PAPOLG: variants seen among roughly 807,000 people sequenced by gnomAD.
PAPOLG encodes PAP-gamma.
Under a neutral mutation model 99.0 loss-of-function variants are expected in PAPOLG, and 40 were observed. That is an observed-to-expected ratio of 0.40 (90% confidence interval 0.31 to 0.53). The LOEUF is 0.53. PAPOLG is among the 20% of genes least tolerant of loss of function. The pLI, the probability that PAPOLG is intolerant of heterozygous loss-of-function variation, is 0.41. For synonymous variants in PAPOLG, 310 were observed against 299.3 expected (o/e 1.04, Z -0.37); for missense variants, 675 against 884.1 (o/e 0.76, Z 3.00).
At position 60,794,774 on chromosome 2, in the gene PAPOLG, T is replaced by G; in HGVS notation, c.2054T>G (p.Val685Gly). The change falls in exon 20 of 22, where the codon GTG (valine) becomes GGG (glycine). Residue 685 changes from valine (V) to glycine (G), a missense_variant and splice_region_variant. By Grantham distance (109) the Val-to-Gly change is moderately radical. Around this residue, in one of 3 missense-constraint regions of PAPOLG, gnomAD observed 413 missense variants for 460.5 expected, o/e 0.90. Coordinates refer to ENST00000238714, the MANE Select transcript of PAPOLG (RefSeq NM_022894.4). ...RTAEERKRKS[V>G]DAIGGESMPI... is the part of the protein sequence containing the mutation. ...GCTGAAGAAAGAAAAAGAAAATCAG[T>G]GGTAAATATATTAATAGTGTGCTTC... The G allele has an allele frequency of 6.2e-7, 1 of 1,602,388 alleles. No homozygotes were observed. Among genetic ancestry groups the G allele is most frequent in the Non-Finnish European group, 8.6e-7 (1 of 1,169,582 alleles).
intron 7 of PAPOLG, 65 bp from the exon 8 acceptor site, chr2:60,774,969 G>A (rs1670972935): frequency 6.2e-7 from 1 of 1,600,972 alleles, no homozygotes; most frequent in Non-Finnish European, 8.5e-7. Flanking sequence ...CTGGAAGTTA[G>A]GAGGGCATTT....
Position 60,797,276 on chromosome 2 carries a change from T to G in PAPOLG, c.*116T>G. 7.6e-7 allele frequency: 1 copy of G among 1,310,942 alleles called. No homozygotes were observed. Among genetic ancestry groups the G allele is most frequent in the South Asian group, 1.3e-5 (1 of 78,930 alleles). 81.2% of individuals were successfully genotyped at this position (1,310,942 alleles called of 1,614,324 possible). ...TGAAATAAGGTGAAAGTGACAGCCTTCAGTCTAATAACCTTGAAGTGGTTT... is the reference window on the plus strand; with the variant it reads ...TGAAATAAGGTGAAAGTGACAGCCTGCAGTCTAATAACCTTGAAGTGGTTT... On this transcript the variant is annotated 3_prime_UTR_variant, in exon 22 of 22. Coordinates refer to ENST00000238714, the MANE Select transcript of PAPOLG (RefSeq NM_022894.4).
intron 7 of PAPOLG, among the ~76,000 whole-genome samples, chr2:60,774,134 G>A (rs1321781447): frequency 6.6e-6 from 1 of 151,248 alleles, no homozygotes; most frequent in African/African-American, 2.4e-5. Context: ...TCGCTCTGTC[G>A]CCCAGGCTGG....
Position 60,768,836 on chromosome 2 carries a change from T to C in PAPOLG, c.384T>C (p.Phe128=), listed in dbSNP as rs781032268. ...CAAGACATGTGGAAAGATCTGATTT[T>C]TTTCAGTCTTTTTTTGAAAAATTGA... is the stretch of plus-strand genomic sequence containing the variant. The part of the protein sequence containing the change: ...VAPRHVERSD[F]FQSFFEKLKH... Residue 128 remains phenylalanine (F), a synonymous_variant, in exon 5 of 22, where the codon TTT becomes TTC. Transcript: ENST00000238714. 16 of 1,603,438 alleles carry C rather than the reference T, an allele frequency of 1.0e-5. No homozygotes were observed. The East Asian group carries it at 3.4e-4, about 34-fold the overall frequency.
intron 13 of PAPOLG, among the ~76,000 whole-genome samples, chr2:60,786,204 T>C (rs1237227353): frequency 1.3e-5 from 2 of 152,160 alleles, no homozygotes; most frequent in Non-Finnish European, 2.9e-5. Context: ...ATGGGGTTCC[T>C]AATATATTGG....
chr2:60,772,902 C>T lies in PAPOLG; in HGVS notation c.604+1272C>T, dbSNP rs150147961. On this transcript the variant is annotated intron_variant, in intron 7 of 21. Coordinates refer to ENST00000238714, the MANE Select transcript of PAPOLG (RefSeq NM_022894.4). ...TGAGATATAATTACATACCATTATA[C>T]ACCTCACTGGTCTTTTTCTTTTCTT... Among the ~76,000 whole-genome samples the T allele has an allele frequency of 3.8e-3, 572 of 151,978 alleles. 5 individuals are homozygous for T. The highest frequency in any genetic ancestry group is 0.013 in the African/African-American group (545 of 41,390).
At chr2:60,796,868 A>G (rs1034134071) in intron 21 of PAPOLG, among the ~76,000 whole-genome samples, 194 bp from the exon 22 acceptor site, 3 of 152,136 alleles carry the variant, frequency 2.0e-5, no homozygotes, top group Non-Finnish European at 4.4e-5. Flanking sequence ...CTCTGACTGT[A>G]AAAAGAAGTA....
Position 60,795,029 on chromosome 2 carries a change from A to AC in PAPOLG, c.2112+9_2112+10insC. 3 of 1,605,290 alleles carry AC rather than the reference A, an allele frequency of 1.9e-6. No individual in the cohort carries two copies. Among genetic ancestry groups the AC allele is most frequent in the Non-Finnish European group, 2.6e-6 (3 of 1,172,414 alleles). On this transcript the variant is annotated intron_variant, in intron 21 of 21. Transcript: ENST00000238714. ...ATACATCACGCAAAAAGGTAACAAG[A>AC]TAGTCTTGTTCATAGGTACAGTACA...
intron 8 of PAPOLG, among the ~76,000 whole-genome samples, chr2:60,776,184 G>A (rs979643869): frequency 4.6e-5 from 7 of 152,180 alleles, no homozygotes; most frequent in African/African-American, 1.4e-4. Flanking sequence ...GTCCACTGGA[G>A]CTCGTGGGTG....
intron 3 of PAPOLG, among the ~76,000 whole-genome samples, chr2:60,764,173 G>A (rs1202793124): frequency 1.3e-5 from 2 of 152,196 alleles, no homozygotes; most frequent in African/African-American, 4.8e-5. Flanking sequence ...GTACCAGAAT[G>A]AGGGAGAGAA....
In PAPOLG at chr2:60,760,141, G is replaced by A. The variant is rs763730971; in HGVS notation, c.25G>A (p.Val9Met). 23 of 1,613,622 alleles carry A rather than the reference G, an allele frequency of 1.4e-5. No individual in the cohort carries two copies. The East Asian group carries it at 2.5e-4, about 17-fold the overall frequency. Residue 9 changes from valine to methionine, a missense_variant, in exon 2 of 22, where the codon GTG (valine) becomes ATG (methionine). Coordinates refer to ENST00000238714, the MANE Select transcript of PAPOLG (RefSeq NM_022894.4). ...TCTTATTTTCTTGAACAGAAACACC[G>A]TGCTGGACAGCCAGCGTCAACAAAA... The part of the protein sequence containing the change: MKEMSANT[V>M]LDSQRQQKHY...
At chr2:60,768,649 T>C in intron 4 of PAPOLG, 98 bp downstream of exon 4, 1 of 1,329,948 alleles carries the variant, frequency 7.5e-7, no homozygotes, top group Non-Finnish European at 1.0e-6. Flanking sequence ...ATTTCACTAC[T>C]TAGAGCTAAT....
chr2:60,767,171 TGAG>T (rs1670703716), intron 3 of PAPOLG, among the ~76,000 whole-genome samples: 1 of 151,998 alleles, frequency 6.6e-6, no homozygotes, highest in Non-Finnish European at 1.5e-5. Context: ...GTAAGGATAA[TGAG>T]GAACAAAAAT....
intron 18 of PAPOLG, 32 bp downstream of exon 18, chr2:60,793,747 T>TA (rs1491271456): frequency 6.3e-7 from 1 of 1,575,558 alleles, no homozygotes; most frequent in Admixed American, 1.8e-5. Flanking sequence ...TATTAATAAT[T>TA]ATATTTACAA....
At chr2:60,773,903 C>G (rs990918130) in intron 7 of PAPOLG, among the ~76,000 whole-genome samples, 1 of 152,178 alleles carries the variant, frequency 6.6e-6, no homozygotes, top group Non-Finnish European at 1.5e-5. Context: ...AAATACCTAA[C>G]TGAATAACTA....
intron 21 of PAPOLG, among the ~76,000 whole-genome samples, chr2:60,796,248 C>G (rs571308104): frequency 7.7e-6 from 1 of 129,406 alleles, no homozygotes; most frequent in Non-Finnish European, 1.6e-5. Flanking sequence ...CATGGAGGCT[C>G]GCTCTGTAGC....
chr2:60,769,217 C>T (rs1335718426), intron 5 of PAPOLG, among the ~76,000 whole-genome samples: 1 of 152,126 alleles, frequency 6.6e-6, no homozygotes, highest in Non-Finnish European at 1.5e-5. Flanking sequence ...GAGATATTTA[C>T]ATAAACCATT....
chr2:60,792,681 GC>G (rs997186320), intron 17 of PAPOLG, among the ~76,000 whole-genome samples: 10 of 152,238 alleles, frequency 6.6e-5, no homozygotes, highest in African/African-American at 2.4e-4. Flanking sequence ...AACTGCTGGA[GC>G]CCAGGAGTTC....
At chr2:60,793,827 C>T (rs986390111) in intron 18 of PAPOLG, 112 bp downstream of exon 18, 3 of 1,447,728 alleles carry the variant, frequency 2.1e-6, no homozygotes, top group Non-Finnish European at 1.9e-6. Context: ...GGGAGGGTCA[C>T]CTGAGCCTGG....
Sources: allele counts gnomAD v4.1 joint callset (sites outside exome capture counted in the v4.1 genomes callset), GRCh38; gene constraint gnomAD v4.1.1; regional missense constraint gnomAD v4.1.1; transcripts MANE v1.5; gene names NCBI Gene and HGNC (gene_info 2026-07-23, HGNC 2026-07-21).